Variants in KALRN observed in about 807,000 individuals in gnomAD.
KALRN encodes kalirin.
KALRN carries 70 observed loss-of-function variants against 353.7 expected under a neutral mutation model. The ratio of observed to expected loss-of-function variants is 0.20; its 90% CI spans 0.16 to 0.24. The LOEUF (loss-of-function observed/expected upper bound fraction) is 0.24. Ranked by LOEUF, KALRN falls within the 10% of genes least tolerant of loss-of-function variation. The pLI is 1.00. For synonymous variants in KALRN, 1,391 were observed against 1,434.8 expected, an observed-to-expected ratio of 0.97 and a Z score of 0.69; for missense variants, 2,791 against 3,756.7, an observed-to-expected ratio of 0.74 and a Z score of 6.72.
chr3:124,082,202 C>G (rs2060577105), intron 1 of KALRN: 2 of 464,160 alleles, frequency 4.3e-6, no homozygotes, highest in South Asian at 3.2e-5. Context: ...TGTAGGTAGC[C>G]AGGCTTAGAT....
intron 1 of KALRN, among the ~76,000 whole-genome samples, chr3:124,195,785 T>C (rs2075365386): frequency 6.6e-6 from 1 of 152,262 alleles, no homozygotes; most frequent in Non-Finnish European, 1.5e-5. Flanking sequence ...AAAGGACAGC[T>C]GCTGAAGTCT....
At chr3:124,521,973 T>C (rs1246635706) in intron 33 of KALRN, among the ~76,000 whole-genome samples, 1 of 152,134 alleles carries the variant, frequency 6.6e-6, no homozygotes, top group African/African-American at 2.4e-5. Context: ...GGAGCATACA[T>C]TCTAGCTGGG....
intron 51 of KALRN, among the ~76,000 whole-genome samples, chr3:124,684,000 A>C (rs1452339628): frequency 6.6e-6 from 1 of 152,204 alleles, no homozygotes; most frequent in African/African-American, 2.4e-5. Flanking sequence ...ACCATTTTTG[A>C]GTGTGTGGTT....
At chr3:124,245,045 TG>T (rs2080957727) in intron 3 of KALRN, among the ~76,000 whole-genome samples, 1 of 24,732 alleles carries the variant, frequency 4.0e-5, no homozygotes, top group Admixed American at 2.7e-4. Flanking sequence ...TATAAATTAT[TG>T]TTAACTAGAG....
At position 124,436,273 on chromosome 3, in the gene KALRN, G is replaced by T. The variant is rs369079515; in HGVS notation, c.3048+1748G>T. On this transcript the variant is annotated intron_variant, in intron 17 of 59. Transcript: ENST00000682506. ...AATTTTACCCTGAAGTGACCTTGCC[G>T]AAGGTTACTTTACCCCTCTGGATTT... is the stretch of plus-strand genomic sequence containing the variant. Among the ~76,000 whole-genome samples, 55 of 152,282 alleles carry T rather than the reference G, an allele frequency of 3.6e-4. 1 individual carries two copies. The South Asian group carries it at 8.9e-3, about 25-fold the overall frequency.
At chr3:124,207,203 A>G (rs928425679) in intron 1 of KALRN, among the ~76,000 whole-genome samples, 1 of 152,234 alleles carries the variant, frequency 6.6e-6, no homozygotes, top group Non-Finnish European at 1.5e-5. Flanking sequence ...TTACTGGGCC[A>G]TCACTCCATT....
chr3:124,602,482 GTC>G (rs2076907630), intron 34 of KALRN, among the ~76,000 whole-genome samples: 1 of 152,172 alleles, frequency 6.6e-6, no homozygotes, highest in African/African-American at 2.4e-5. Flanking sequence ...TATGTCAAGT[GTC>G]AACCTAGGAC....
chr3:124,102,627 T>A (rs1028096235), intron 1 of KALRN, among the ~76,000 whole-genome samples: 4 of 152,232 alleles, frequency 2.6e-5, no homozygotes, highest in African/African-American at 4.8e-5. Context: ...GTGCTTGTTT[T>A]CTGAATTTTT....
At chr3:124,679,671 A>T (rs2087567591) in intron 51 of KALRN, 154 bp downstream of exon 51, 1 of 760,510 alleles carries the variant, frequency 1.3e-6, no homozygotes, top group Non-Finnish European at 2.4e-6. Flanking sequence ...AAAGAAACAA[A>T]CAAAAACATA....
At chr3:124,434,549 T>C (rs1324134104) in intron 17 of KALRN, 24 bp downstream of exon 17, 1 of 1,610,058 alleles carries the variant, frequency 6.2e-7, no homozygotes, top group Non-Finnish European at 8.5e-7. Context: ...CTGTGGGGCT[T>C]GTGGGGCTGA....
At chr3:124,671,337 A>G (rs2086417768) in intron 47 of KALRN, among the ~76,000 whole-genome samples, 1 of 151,988 alleles carries the variant, frequency 6.6e-6, no homozygotes, top group African/African-American at 2.4e-5. Flanking sequence ...CCAACACGTC[A>G]CACTTGCTTC....
intron 10 of KALRN, among the ~76,000 whole-genome samples, chr3:124,378,128 T>C (rs1353315163): frequency 1.3e-5 from 2 of 152,046 alleles, no homozygotes; most frequent in Admixed American, 1.3e-4. Context: ...TTTTCCTCCC[T>C]TTTTTTGCTT....
intron 1 of KALRN, among the ~76,000 whole-genome samples, chr3:124,141,716 G>A (rs925265473): frequency 7.0e-4 from 106 of 152,262 alleles, no homozygotes; most frequent in African/African-American, 2.2e-3. Context: ...TTCTTTCTGC[G>A]TTCTCACCTT....
intron 34 of KALRN, among the ~76,000 whole-genome samples, chr3:124,592,979 C>T (rs1036715720): frequency 1.3e-5 from 2 of 152,174 alleles, no homozygotes; most frequent in Non-Finnish European, 2.9e-5. Flanking sequence ...GAAACCCCTT[C>T]TGCTGCTAGG....
intron 33 of KALRN, among the ~76,000 whole-genome samples, chr3:124,498,808 C>T (rs1295656376): frequency 6.6e-6 from 1 of 152,050 alleles, no homozygotes; most frequent in African/African-American, 2.4e-5. Flanking sequence ...TCCGTGACTG[C>T]ACTTTTCTTC....
At chr3:124,174,266 T>A (rs146252676) in intron 1 of KALRN, among the ~76,000 whole-genome samples, 13 of 152,016 alleles carry the variant, frequency 8.6e-5, no homozygotes, top group African/African-American at 2.9e-4. Context: ...AAATCCCATC[T>A]CTATTAAAAA....
intron 6 of KALRN, among the ~76,000 whole-genome samples, chr3:124,322,990 A>G (rs1442642343): frequency 6.6e-6 from 1 of 152,316 alleles, no homozygotes; most frequent in East Asian, 1.9e-4. Context: ...TCAACATTGT[A>G]TTTATCCCTC....
rs10549005 is a variant in KALRN, at chr3:124,662,193, CTTTTTTTT to C, written c.6345+284_6345+291del. Among the ~76,000 whole-genome samples, 864 of 96,840 alleles carry C rather than the reference CTTTTTTTT, an allele frequency of 8.9e-3. 32 individuals carry two copies. The highest frequency in any genetic ancestry group is 0.077 in the Admixed American group (650 of 8,454). The allele number at this position is 96,840 out of a possible 152,430, so 63.5% of individuals were successfully genotyped here. On this transcript the variant is annotated intron_variant, in intron 45 of 59. Coordinates refer to ENST00000682506, the MANE Select transcript of KALRN (RefSeq NM_001388419.1). ...AAGGAGATTGGAAAGACCCAGAATT[CTTTTTTTT>C]TTTTTTTTTTTTTTTTTTGAGACAG...
At chr3:124,606,050 T>C (rs2077316719) in intron 34 of KALRN, among the ~76,000 whole-genome samples, 1 of 96,210 alleles carries the variant, frequency 1.0e-5, no homozygotes, top group South Asian at 2.8e-4. Context: ...GCTGACTTTC[T>C]CTGATTTATC....
Sources: gnomAD v4.1 joint callset for allele counts (sites outside exome capture counted in the v4.1 genomes callset) on GRCh38, gnomAD v4.1.1 for gene constraint, MANE v1.5 for transcripts, NCBI Gene and HGNC (gene_info 2026-07-23, HGNC 2026-07-21) for gene names.